Variants in CNTLN observed in about 807,000 individuals in gnomAD.
CNTLN encodes the protein centlein, also known as centlein, centrosomal protein.
CNTLN carries 212 observed loss-of-function variants against 180.0 expected under a neutral mutation model. That is an observed-to-expected ratio of 1.18 (90% CI 1.05 to 1.32). The LOEUF (loss-of-function observed/expected upper bound fraction) is 1.32, where lower values mean the gene tolerates loss of function less well. CNTLN is among the 40% of genes most tolerant of loss of function. The pLI, the probability that CNTLN is intolerant of heterozygous loss-of-function variation, is 0.00. For synonymous variants in CNTLN, 722 were observed against 563.1 expected (o/e 1.28, Z -3.99); for missense variants, 2,095 against 1,610.9 (o/e 1.30, Z -5.14).
chr9:17,410,245 T>C (rs140414646), intron 16 of CNTLN, among the ~76,000 whole-genome samples: 1,556 of 152,280 alleles, frequency 0.01, 20 homozygotes, highest in African/African-American at 0.035. Context: ...TCAGCTACTT[T>C]TTCATGTATG....
the CNTLN span, among the ~76,000 whole-genome samples, chr9:17,527,912 C>T: frequency 6.6e-6 from 1 of 151,726 alleles, no homozygotes; most frequent in African/African-American, 2.4e-5. Flanking sequence ...GAAAAGAGTC[C>T]CCAGTGGCTA....
downstream of CNTLN, among the ~76,000 whole-genome samples, chr9:17,504,730 AT>A (rs892737704): frequency 6.6e-6 from 1 of 152,152 alleles, no homozygotes; most frequent in African/African-American, 2.4e-5. Flanking sequence ...GGCTTAAAAT[AT>A]GGAGGAAACG....
At chr9:17,377,520 G>T (rs139880740) in intron 13 of CNTLN, among the ~76,000 whole-genome samples, 3,061 of 152,104 alleles carry the variant, frequency 0.02, 197 homozygotes, top group Admixed American at 0.14. Context: ...CAGCCTGGGC[G>T]CCACTTCACT....
chr9:17,310,827 G>A (rs1395251878), intron 8 of CNTLN, among the ~76,000 whole-genome samples: 5 of 152,040 alleles, frequency 3.3e-5, no homozygotes, highest in African/African-American at 1.2e-4. Flanking sequence ...TAGCCAGTAT[G>A]TGTCTTCTTT....
intron 5 of CNTLN, among the ~76,000 whole-genome samples, chr9:17,266,061 T>TA (rs1587407701): frequency 6.6e-6 from 1 of 152,260 alleles, no homozygotes; most frequent in East Asian, 1.9e-4. Context: ...TGATGTTAGT[T>TA]ATTTCTTGCC....
chr9:17,149,834 A>G (rs551611635), intron 2 of CNTLN, among the ~76,000 whole-genome samples: 7 of 152,080 alleles, frequency 4.6e-5, no homozygotes, highest in African/African-American at 1.7e-4. Flanking sequence ...TGACTTTTTA[A>G]TGATCACAAT....
At position 17,414,485 on chromosome 9, in the gene CNTLN, C is replaced by G. The variant is rs1033818348; in HGVS notation, c.2797-1303C>G. Among the ~76,000 whole-genome samples, 3 of 151,834 alleles carry G rather than the reference C, an allele frequency of 2.0e-5. No homozygotes were observed. In the South Asian group the frequency reaches 6.2e-4, roughly 32 times the overall value. ...ATTTTTTTTTTAACAGTGCTCAGTG[C>G]GTGGCTGATACTTAAATACTAATTA... On this transcript the variant is annotated intron_variant, in intron 16 of 25. Coordinates refer to ENST00000380647, the MANE Select transcript of CNTLN (RefSeq NM_017738.4).
At chr9:17,209,396 C>T (rs1391105484) in intron 2 of CNTLN, among the ~76,000 whole-genome samples, 1 of 152,070 alleles carries the variant, frequency 6.6e-6, no homozygotes, top group Non-Finnish European at 1.5e-5. Flanking sequence ...GTATTCTGGA[C>T]CAGTTGGATG....
intron 19 of CNTLN, among the ~76,000 whole-genome samples, chr9:17,460,277 T>C (rs1157583711): frequency 6.6e-6 from 1 of 151,738 alleles, no homozygotes; most frequent in African/African-American, 2.4e-5. Flanking sequence ...CTAATTACTA[T>C]ACTATGCAAA....
At chr9:17,177,443 G>A (rs1820791626) in intron 2 of CNTLN, among the ~76,000 whole-genome samples, 1 of 152,120 alleles carries the variant, frequency 6.6e-6, no homozygotes, top group South Asian at 2.1e-4. Flanking sequence ...TTCTTGAAGT[G>A]GAAATGTGTC....
At chr9:17,137,178 A>G (rs1817777127) in intron 1 of CNTLN, among the ~76,000 whole-genome samples, 1 of 152,194 alleles carries the variant, frequency 6.6e-6, no homozygotes, top group South Asian at 2.1e-4. Flanking sequence ...CTCTTGGCAA[A>G]TGTAAGAATA....
At chr9:17,309,306 T>A in intron 8 of CNTLN, 54 bp downstream of exon 8, 1 of 1,332,236 alleles carries the variant, frequency 7.5e-7, no homozygotes, top group Non-Finnish European at 1.0e-6. Context: ...TGAAATCATC[T>A]CCTACAATTG....
At chr9:17,317,988 A>G (rs1819641905) in intron 8 of CNTLN, among the ~76,000 whole-genome samples, 1 of 151,858 alleles carries the variant, frequency 6.6e-6, no homozygotes, top group South Asian at 2.1e-4. Flanking sequence ...TGACTTATTC[A>G]GAAGAGTGGT....
chr9:17,255,035 G>A (rs1826389242), intron 5 of CNTLN, among the ~76,000 whole-genome samples: 1 of 151,498 alleles, frequency 6.6e-6, no homozygotes, highest in African/African-American at 2.4e-5. Flanking sequence ...ATTTTTTTCA[G>A]TTGTAAATGG....
rs371692098 is a variant in CNTLN, at chr9:17,235,797, G to A, written c.669+5G>A. On this transcript the variant is annotated splice_donor_5th_base_variant and intron_variant, in intron 4 of 25. Transcript: ENST00000380647. ...GATAAAAGTCAAGAAATTAAGGTGT[G>A]TTGACTTGTACATAGTTTTGTGGGA... is the stretch of plus-strand genomic sequence containing the variant. The A allele has an allele frequency of 9.7e-5, 156 of 1,600,544 alleles. 1 individual carries two copies. The Middle Eastern group carries it at 2.3e-3, about 24-fold the overall frequency.
chr9:17,283,516 T>C (rs1828789561), intron 6 of CNTLN, among the ~76,000 whole-genome samples: 1 of 152,182 alleles, frequency 6.6e-6, no homozygotes, highest in Non-Finnish European at 1.5e-5. Flanking sequence ...TGGGGTTTTC[T>C]AGATATAGAA....
chr9:17,146,564 A>T lies in CNTLN; in HGVS notation c.449+3188A>T, dbSNP rs1586908186. On this transcript the variant is annotated intron_variant, in intron 2 of 25. Coordinates refer to ENST00000380647, the MANE Select transcript of CNTLN (RefSeq NM_017738.4). ...TAAGGAGCCTCCCTTCTCTTCTGCC[A>T]TGTGAGGATACAGAAGGTGTCATTT... Among the ~76,000 whole-genome samples, 5 of 152,112 alleles carry T rather than the reference A, an allele frequency of 3.3e-5. No homozygotes were observed. In the South Asian group the frequency reaches 1.0e-3, roughly 32 times the overall value.
At chr9:17,404,400 G>C (rs941949769) in intron 15 of CNTLN, among the ~76,000 whole-genome samples, 4 of 151,720 alleles carry the variant, frequency 2.6e-5, no homozygotes, top group African/African-American at 9.7e-5. Context: ...TAGGGGATTT[G>C]AGAGTCCTGA....
intron 2 of CNTLN, among the ~76,000 whole-genome samples, chr9:17,208,920 T>G (rs891712060): frequency 6.6e-6 from 1 of 152,074 alleles, no homozygotes; most frequent in African/African-American, 2.4e-5. Flanking sequence ...TTTTCTTTCA[T>G]TGTTCTTTTT....
Sources: allele counts gnomAD v4.1 joint callset (sites outside exome capture counted in the v4.1 genomes callset), GRCh38; gene constraint gnomAD v4.1.1; transcripts MANE v1.5; gene names NCBI Gene and HGNC (gene_info 2026-07-23, HGNC 2026-07-21).